Variants in TFDP1 observed in about 807,000 individuals in gnomAD.
TFDP1 encodes the protein DRTF1-polypeptide 1.
Under a neutral mutation model 48.0 loss-of-function variants are expected in TFDP1, and 6 were observed. The observed-to-expected ratio is 0.13, with a 90% CI of 0.07 to 0.25. The LOEUF (loss-of-function observed/expected upper bound fraction) is 0.25, where lower values mean the gene tolerates loss of function less well. TFDP1 is among the 10% of genes least tolerant of loss of function. The pLI is 1.00. For synonymous variants in TFDP1, 201 were observed against 211.6 expected (o/e 0.95, Z 0.44); for missense variants, 335 against 543.0 (o/e 0.62, Z 3.81).
intron 10 of TFDP1, chr13:113,637,540 A>G: frequency 1.5e-6 from 2 of 1,372,770 alleles, no homozygotes; most frequent in South Asian, 1.3e-5. Flanking sequence ...TGGGTATGAT[A>G]CTGAGGCAGC....
chr13:113,619,010 A>G (rs1213017746), intron 3 of TFDP1, among the ~76,000 whole-genome samples: 1 of 152,194 alleles, frequency 6.6e-6, no homozygotes, highest in Non-Finnish European at 1.5e-5. Flanking sequence ...AGTTGCACAC[A>G]GGGCAGACTC....
At chr13:113,630,474 G>T (rs544569780) in intron 4 of TFDP1, among the ~76,000 whole-genome samples, 1 of 152,252 alleles carries the variant, frequency 6.6e-6, no homozygotes, top group East Asian at 1.9e-4. Context: ...ATTTATCCCC[G>T]TAAGAAGGGG....
At chr13:113,616,030 A>C (rs1367140174) in intron 3 of TFDP1, among the ~76,000 whole-genome samples, 7 of 151,602 alleles carry the variant, frequency 4.6e-5, no homozygotes, top group Non-Finnish European at 1.0e-4. Context: ...TGATGAAACC[A>C]CCTCTCCACT....
chr13:113,604,045 C>G (rs973947278), intron 2 of TFDP1, among the ~76,000 whole-genome samples: 2 of 151,712 alleles, frequency 1.3e-5, no homozygotes, highest in Non-Finnish European at 2.9e-5. Context: ...ATGCCTGTCC[C>G]AGCTACTTTG....
rs1193608605 is a variant in TFDP1, at chr13:113,623,221, C to T, written c.121C>T (p.Pro41Ser). The change falls in exon 4 of 12, where the codon CCG becomes TCG. Residue 41 changes from proline (P) to serine (S), a missense_variant. Pro to Ser is a moderately conservative substitution (Grantham distance 74). This residue lies in a region of TFDP1 where 103 missense variants were observed against 140.4 expected (regional missense o/e 0.73). Coordinates refer to ENST00000375370, the MANE Select transcript of TFDP1 (RefSeq NM_007111.5). This position sits in a 1 kb window ranked among gnomAD's most constrained non-coding sequence, Gnocchi z 5.2. ...GGCCGTTCACCCCTCCACCGTCAAC[C>T]CGCTCGGGAAGCAGCTCTTGCCAAA... is the stretch of plus-strand genomic sequence containing the variant. ...LVAVHPSTVN[P>S]LGKQLLPKTF... is the part of the protein sequence containing the mutation. 6.2e-7 allele frequency: 1 copy of T among 1,613,762 alleles called. No homozygotes were observed. The highest frequency in any genetic ancestry group is 1.1e-5 in the South Asian group (1 of 90,926).
At chr13:113,595,027 A>G (rs1177723520) in intron 2 of TFDP1, among the ~76,000 whole-genome samples, 1 of 152,078 alleles carries the variant, frequency 6.6e-6, no homozygotes, top group East Asian at 1.9e-4. Flanking sequence ...TCTGTTTCTA[A>G]TCTTTTCACC....
At chr13:113,587,361 A>G (rs1210114830) in intron 2 of TFDP1, among the ~76,000 whole-genome samples, 1 of 151,500 alleles carries the variant, frequency 6.6e-6, no homozygotes, top group African/African-American at 2.4e-5. Context: ...CTGGGAGGAG[A>G]GTAGGATTCT....
chr13:113,612,803 T>C (rs1214209105), intron 3 of TFDP1, among the ~76,000 whole-genome samples: 2 of 152,206 alleles, frequency 1.3e-5, no homozygotes, highest in Non-Finnish European at 2.9e-5. Context: ...GGAAGGAACA[T>C]ATTCTGCATT....
At chr13:113,587,193 G>T (rs1202761491) in intron 2 of TFDP1, among the ~76,000 whole-genome samples, 1 of 152,134 alleles carries the variant, frequency 6.6e-6, no homozygotes, top group Non-Finnish European at 1.5e-5. Flanking sequence ...GAGGCTGGGG[G>T]TGGGGGGCGT....
At chr13:113,593,118 T>TAC (rs2048187912) in intron 2 of TFDP1, among the ~76,000 whole-genome samples, 1 of 126,322 alleles carries the variant, frequency 7.9e-6, no homozygotes, top group Non-Finnish European at 1.6e-5. Context: ...GTGTGCTGTG[T>TAC]GTGGGTCCTC....
intron 8 of TFDP1, among the ~76,000 whole-genome samples, chr13:113,635,589 C>G (rs752033820): frequency 6.6e-6 from 1 of 152,206 alleles, no homozygotes; most frequent in Non-Finnish European, 1.5e-5. Context: ...CCAGGGTGGG[C>G]AAAGTCCACG....
intron 2 of TFDP1, among the ~76,000 whole-genome samples, chr13:113,587,311 C>T (rs899560015): frequency 1.3e-5 from 2 of 151,404 alleles, no homozygotes; most frequent in Admixed American, 1.3e-4. Context: ...TGGGGGCTCA[C>T]CTTGCACTCA....
chr13:113,635,841 C>T (rs902428562), intron 8 of TFDP1, 136 bp from the exon 9 acceptor site: 26 of 992,000 alleles, frequency 2.6e-5, no homozygotes, highest in Non-Finnish European at 3.4e-5. Flanking sequence ...ACCCAGCGGC[C>T]GGCGCTGGCA....
chr13:113,593,620 G>A (rs1407478894), intron 2 of TFDP1, among the ~76,000 whole-genome samples: 1 of 139,672 alleles, frequency 7.2e-6, no homozygotes, highest in Non-Finnish European at 1.5e-5. Flanking sequence ...CCAGGTGACA[G>A]TTGTGCTGTG....
chr13:113,598,741 C>T lies in TFDP1; in HGVS notation c.13-12255C>T, dbSNP rs2048342782. Among the ~76,000 whole-genome samples, 1 of 152,192 alleles carries T rather than the reference C, an allele frequency of 6.6e-6. No individual in the cohort carries two copies. The highest frequency in any genetic ancestry group is 1.5e-5 in the Non-Finnish European group (1 of 68,024). ...TGGGGCCGGGAGGAGGCGTTCTCTG[C>T]CCCTACGTGGCTCACACTGTGGTTC... is the stretch of plus-strand genomic sequence containing the variant. On this transcript the variant is annotated intron_variant, in intron 2 of 11. Coordinates refer to ENST00000375370, the MANE Select transcript of TFDP1 (RefSeq NM_007111.5). The surrounding 1 kb of genome is among the most constrained non-coding windows in gnomAD (Gnocchi z 4.2).
rs113121976 is a variant in TFDP1, at chr13:113,615,031, C to T, written c.79+3969C>T. 3.0e-3 allele frequency among the ~76,000 whole-genome samples: 463 copies of T among 152,268 alleles called. 1 individual carries two copies. Among genetic ancestry groups the T allele is most frequent in the African/African-American group, 0.011 (441 of 41,542 alleles). ...CCGTCAGGTTGACACGTAAAACTGA[C>T]TGTCACACCCTTCGAGGCTTAGAAG... On this transcript the variant is annotated intron_variant, in intron 3 of 11. Transcript: ENST00000375370.
chr13:113,589,720 C>T (rs182778784), intron 2 of TFDP1, among the ~76,000 whole-genome samples: 9 of 152,352 alleles, frequency 5.9e-5, no homozygotes, highest in South Asian at 2.1e-4. Context: ...TCCTTAGAGT[C>T]GGACAGACCC....
rs186489302 is a variant in TFDP1 at position 113,596,521 on chromosome 13, C to T, written c.12+10672C>T. Among the ~76,000 whole-genome samples the T allele has an allele frequency of 2.6e-4, 39 of 152,242 alleles. 1 individual carries two copies. Among genetic ancestry groups the T allele is most frequent in the Admixed American group, 2.4e-3 (36 of 15,288 alleles). ...GAGACCCTGGGTGTCCCCTCCCCAGCACGGCCAGGTTGGGGAGGAGGAGTC... is the reference window on the plus strand; with the variant it reads ...GAGACCCTGGGTGTCCCCTCCCCAGTACGGCCAGGTTGGGGAGGAGGAGTC... On this transcript the variant is annotated intron_variant, in intron 2 of 11. Coordinates refer to ENST00000375370, the MANE Select transcript of TFDP1 (RefSeq NM_007111.5).
chr13:113,628,241 C>T (rs778667828), intron 4 of TFDP1, among the ~76,000 whole-genome samples: 3 of 150,628 alleles, frequency 2.0e-5, no homozygotes, highest in African/African-American at 4.9e-5. Context: ...TGTCTGGAGC[C>T]GTGTAGAGAC....
Sources: allele counts gnomAD v4.1 joint callset (sites outside exome capture counted in the v4.1 genomes callset), GRCh38; gene constraint gnomAD v4.1.1; regional missense constraint gnomAD v4.1.1; non-coding constraint Gnocchi (gnomAD v3.1); transcripts MANE v1.5; gene names NCBI Gene and HGNC (gene_info 2026-07-23, HGNC 2026-07-21).